The following PDE7B variants were observed in gnomAD, a reference collection of about 807,000 sequenced individuals.
PDE7B encodes 3',5'-cyclic-AMP phosphodiesterase 7B.
Under a neutral mutation model 56.2 loss-of-function variants are expected in PDE7B, and 29 were observed. The observed-to-expected ratio is 0.52, with a 90% CI of 0.38 to 0.70. The LOEUF (loss-of-function observed/expected upper bound fraction) is 0.70. Ranked by LOEUF, PDE7B falls within the 30% of genes least tolerant of loss-of-function variation. The probability of loss-of-function intolerance (pLI) is 0.00; values close to 1 mark genes in which losing one functional copy is unlikely to be tolerated. For missense variants in PDE7B, 490 were observed against 565.0 expected, an observed-to-expected ratio of 0.87 and a Z score of 1.35; for synonymous variants, 197 against 196.9, an observed-to-expected ratio of 1.00 and a Z score of 0.00.
chr6:136,064,655 A>C (rs983099260), intron 2 of PDE7B: 1 of 152,230 alleles, frequency 6.6e-6, no homozygotes, highest in Non-Finnish European at 1.5e-5. Context: ...GAGGTAAGAC[A>C]ATCAGCTCCA....
intron 3 of PDE7B, 150 bp downstream of exon 3, chr6:136,108,964 T>C: frequency 3.1e-6 from 2 of 638,956 alleles, no homozygotes; most frequent in South Asian, 3.5e-5. Context: ...ACCCTTTGTC[T>C]TTGAGTTTCC....
At chr6:136,058,012 C>T (rs1776768741) in intron 2 of PDE7B, among the ~76,000 whole-genome samples, 1 of 152,164 alleles carries the variant, frequency 6.6e-6, no homozygotes, top group African/African-American at 2.4e-5. Context: ...GCTGGGATTA[C>T]AGGCATGAGG....
chr6:135,948,003 C>T (rs935179943), intron 2 of PDE7B, among the ~76,000 whole-genome samples: 1 of 152,006 alleles, frequency 6.6e-6, no homozygotes, highest in Admixed American at 6.6e-5. Flanking sequence ...AACAAAATAA[C>T]AACATTGTAA....
chr6:135,956,416 G>A (rs567656513), intron 2 of PDE7B, among the ~76,000 whole-genome samples: 20 of 152,266 alleles, frequency 1.3e-4, no homozygotes, highest in Non-Finnish European at 2.4e-4. Flanking sequence ...ATCAGCAGCA[G>A]AAGGTGGGGT....
intron 2 of PDE7B, among the ~76,000 whole-genome samples, chr6:136,039,201 C>T (rs980920149): frequency 6.6e-6 from 1 of 152,058 alleles, no homozygotes; most frequent in Non-Finnish European, 1.5e-5. Context: ...GAGAACTTCA[C>T]TGTGTTTCTG....
chr6:136,087,149 A>G (rs1298310310), intron 2 of PDE7B, among the ~76,000 whole-genome samples: 1 of 152,232 alleles, frequency 6.6e-6, no homozygotes, highest in South Asian at 2.1e-4. Context: ...TGTTATAACA[A>G]ATAATTTTAT....
intron 9 of PDE7B, among the ~76,000 whole-genome samples, chr6:136,175,650 T>C (rs1373789957): frequency 1.3e-5 from 2 of 152,156 alleles, no homozygotes; most frequent in East Asian, 1.9e-4. Flanking sequence ...AAGACTTTTT[T>C]CCAAATCATT....
At chr6:135,984,458 T>C (rs1775345408) in intron 2 of PDE7B, among the ~76,000 whole-genome samples, 2 of 152,162 alleles carry the variant, frequency 1.3e-5, no homozygotes, top group Non-Finnish European at 2.9e-5. Context: ...ATTTGAGTAG[T>C]TAATTCCTCT....
intron 1 of PDE7B, among the ~76,000 whole-genome samples, chr6:135,932,187 T>C (rs1424081738): frequency 6.6e-6 from 1 of 152,114 alleles, no homozygotes; most frequent in African/African-American, 2.4e-5. Flanking sequence ...TCATAAAAGA[T>C]TGCCATTTCA....
intron 2 of PDE7B, among the ~76,000 whole-genome samples, chr6:136,076,998 C>T (rs377564372): frequency 1.3e-5 from 2 of 150,186 alleles, no homozygotes; most frequent in Non-Finnish European, 1.5e-5. Flanking sequence ...ACACCATATG[C>T]GGGTATGCAA....
Position 136,181,316 on chromosome 6 carries a change from C to G in PDE7B, c.1038C>G (p.Tyr346Ter). 1.3e-6 allele frequency: 2 copies of G among 1,599,060 alleles called. No homozygotes were observed. Among genetic ancestry groups the G allele is most frequent in the Non-Finnish European group, 1.7e-6 (2 of 1,166,256 alleles). The change falls in exon 11 of 13, where the codon TAC becomes TAG. Residue 346 changes from tyrosine (Y) to a stop codon, truncating the protein, a stop_gained. Coordinates refer to ENST00000308191, the MANE Select transcript of PDE7B (RefSeq NM_018945.4). LOFTEE classifies it high-confidence loss of function. ...GTGAAAGGGTCTGTGAAGAATTCTA[C>G]AGGCAAGGTTAGTAGTGATCCAACA... ...QWSERVCEEF[Y>*]RQGELEQKFE...
chr6:135,885,343 T>A (rs534898513), intron 1 of PDE7B, among the ~76,000 whole-genome samples: 20 of 138,712 alleles, frequency 1.4e-4, no homozygotes, highest in East Asian at 6.4e-4. Context: ...TTTTTTTTTT[T>A]ATCTCACTGC....
intron 2 of PDE7B, among the ~76,000 whole-genome samples, chr6:136,078,777 A>G (rs1238894683): frequency 1.3e-5 from 2 of 152,162 alleles, no homozygotes; most frequent in East Asian, 3.8e-4. Context: ...TAAACTTAAT[A>G]ATGTTGAAAG....
rs191374684 is a variant in PDE7B, at chr6:136,111,292, A to G, written c.166+2478A>G. Among the ~76,000 whole-genome samples the G allele has an allele frequency of 7.9e-5, 12 of 152,288 alleles. No homozygotes were observed. In the East Asian group the frequency reaches 1.7e-3, roughly 22 times the overall value. On this transcript the variant is annotated intron_variant, in intron 3 of 12. Transcript: ENST00000308191. ...AATTGCTATTGATCATTTACTAACT[A>G]TAGTTAACTGACCAATTATTAAAGG...
chr6:135,963,771 G>A (rs749422620), intron 2 of PDE7B, among the ~76,000 whole-genome samples: 26 of 152,038 alleles, frequency 1.7e-4, no homozygotes, highest in African/African-American at 5.3e-4. Context: ...TTCCCTCCTC[G>A]GGGAATTCTT....
intron 2 of PDE7B, among the ~76,000 whole-genome samples, chr6:136,053,172 T>G (rs990810572): frequency 4.6e-5 from 7 of 151,474 alleles, no homozygotes; most frequent in African/African-American, 1.7e-4. Context: ...ACTCATCATT[T>G]AGCATTAGGT....
chr6:136,120,752 T>G (rs1475388695), intron 3 of PDE7B, among the ~76,000 whole-genome samples: 1 of 152,204 alleles, frequency 6.6e-6, no homozygotes, highest in Non-Finnish European at 1.5e-5. Flanking sequence ...CCCAGAGAGA[T>G]AGTTCTGTGC....
chr6:135,922,025 G>A (rs1774091325), intron 1 of PDE7B, among the ~76,000 whole-genome samples: 1 of 152,090 alleles, frequency 6.6e-6, no homozygotes, highest in African/African-American at 2.4e-5. Context: ...ATTCATGAGG[G>A]TTATTTTTAC....
At chr6:136,182,952 G>C (rs1779089958) in intron 11 of PDE7B, among the ~76,000 whole-genome samples, 4 of 151,496 alleles carry the variant, frequency 2.6e-5, no homozygotes, top group South Asian at 2.1e-4. Flanking sequence ...ACAACCTGTA[G>C]TCCCAGCTAC....
Sources: allele counts gnomAD v4.1 joint callset (sites outside exome capture counted in the v4.1 genomes callset), GRCh38; gene constraint gnomAD v4.1.1; transcripts MANE v1.5; gene names NCBI Gene and HGNC (gene_info 2026-07-23, HGNC 2026-07-21).